ROBO1: variants seen among roughly 807,000 people sequenced by gnomAD.
ROBO1 encodes roundabout guidance receptor 1, also known as roundabout homolog 1.
ROBO1 carries 149 observed loss-of-function variants against 195.9 expected under a neutral mutation model. That is an observed-to-expected ratio of 0.76 (90% confidence interval 0.67 to 0.87). The LOEUF is 0.87. Ranked by LOEUF, ROBO1 falls within the 40% of genes least tolerant of loss-of-function variation. ROBO1 has a pLI of 0.00. For missense variants in ROBO1, 1,933 were observed against 2,068.3 expected (o/e 0.93, Z 1.27); for synonymous variants, 816 against 733.2 (o/e 1.11, Z -1.82).
chr3:79,230,511 T>C (rs934575981), intron 2 of ROBO1, among the ~76,000 whole-genome samples: 1 of 151,798 alleles, frequency 6.6e-6, no homozygotes, highest in South Asian at 2.1e-4. Flanking sequence ...ATAGCAAATG[T>C]AAAGTAAGCA....
At chr3:79,011,639 T>C (rs938894211) in intron 3 of ROBO1, among the ~76,000 whole-genome samples, 43 of 149,758 alleles carry the variant, frequency 2.9e-4, no homozygotes, top group African/African-American at 1.0e-3. Flanking sequence ...GTGTTTTATA[T>C]ATATTTTTTT....
chr3:78,599,000 T>TTTA (rs950397346), intron 30 of ROBO1, 73 bp from the exon 31 acceptor site: 1 of 826,082 alleles, frequency 1.2e-6, no homozygotes. Context: ...TTTATATGCA[T>TTTA]TTATTATTAT....
intron 16 of ROBO1, chr3:78,660,074 C>T (rs1707298866): frequency 8.6e-6 from 2 of 233,522 alleles, no homozygotes; most frequent in African/African-American, 2.3e-5. Context: ...GCACCCACCA[C>T]CATGCCCCAC....
chr3:78,610,438 GAA>G (rs964346091), intron 28 of ROBO1, among the ~76,000 whole-genome samples: 3 of 152,094 alleles, frequency 2.0e-5, no homozygotes, highest in African/African-American at 7.2e-5. Flanking sequence ...GCAACAAGGG[GAA>G]AAAAGTCTAA....
intron 1 of ROBO1, among the ~76,000 whole-genome samples, chr3:79,616,895 G>A (rs1038656563): frequency 1.3e-5 from 2 of 152,172 alleles, no homozygotes; most frequent in African/African-American, 4.8e-5. Context: ...CAGCATTTCT[G>A]CAGTGGACTG....
At chr3:78,640,130 A>T (rs1705847153) in intron 21 of ROBO1, among the ~76,000 whole-genome samples, 1 of 152,110 alleles carries the variant, frequency 6.6e-6, no homozygotes, top group Non-Finnish European at 1.5e-5. Flanking sequence ...TATGCATCAG[A>T]CCTAAAATCT....
chr3:79,265,890 T>C (rs2083032648), intron 2 of ROBO1, among the ~76,000 whole-genome samples: 2 of 151,436 alleles, frequency 1.3e-5, no homozygotes, highest in South Asian at 4.2e-4. Context: ...ATTAATATTG[T>C]AAAATATATA....
At chr3:78,870,347 C>G (rs1180801755) in intron 4 of ROBO1, among the ~76,000 whole-genome samples, 1 of 152,174 alleles carries the variant, frequency 6.6e-6, no homozygotes, top group Admixed American at 6.5e-5. Context: ...ATACTATCTT[C>G]AAGCTCCCAG....
intron 1 of ROBO1, among the ~76,000 whole-genome samples, chr3:79,625,423 GAA>G: frequency 1.2e-3 from 17 of 13,878 alleles, no homozygotes; most frequent in East Asian, 6.4e-3. Flanking sequence ...TGTTTTTTTT[GAA>G]AAAAAAAAAA....
chr3:79,688,097 T>A (rs1460098280), intron 1 of ROBO1, among the ~76,000 whole-genome samples: 1 of 151,746 alleles, frequency 6.6e-6, no homozygotes, highest in East Asian at 2.0e-4. Context: ...GAAACCATCA[T>A]TCTCAGCAAA....
intron 3 of ROBO1, among the ~76,000 whole-genome samples, chr3:79,114,581 T>C (rs1416595067): frequency 6.6e-6 from 1 of 152,158 alleles, no homozygotes; most frequent in Non-Finnish European, 1.5e-5. Flanking sequence ...CATTACTCTA[T>C]ATGCATTTAT....
At chr3:79,499,951 C>T (rs923782517) in intron 2 of ROBO1, among the ~76,000 whole-genome samples, 23 of 151,740 alleles carry the variant, frequency 1.5e-4, no homozygotes, top group Admixed American at 4.6e-4. Context: ...GGATTGCAGG[C>T]GTGTGCCAGT....
intron 3 of ROBO1, among the ~76,000 whole-genome samples, chr3:79,085,028 A>G (rs143224251): frequency 1.3e-5 from 2 of 152,328 alleles, no homozygotes; most frequent in East Asian, 1.9e-4. Flanking sequence ...TAACATTTTT[A>G]TATCTCTACT....
intron 1 of ROBO1, among the ~76,000 whole-genome samples, chr3:79,707,329 G>A (rs908053904): frequency 1.3e-5 from 2 of 151,966 alleles, no homozygotes; most frequent in African/African-American, 4.8e-5. Context: ...ATCTCCACAG[G>A]ACCCAGAGTT....
intron 2 of ROBO1, among the ~76,000 whole-genome samples, chr3:79,277,063 T>C (rs1020841688): frequency 6.6e-6 from 1 of 151,942 alleles, no homozygotes; most frequent in Non-Finnish European, 1.5e-5. Context: ...CTTTAGAGAT[T>C]CCTCAAAAAG....
chr3:78,668,684 C>G, intron 11 of ROBO1, 119 bp from the exon 12 acceptor site: 1 of 727,136 alleles, frequency 1.4e-6, no homozygotes, highest in Non-Finnish European at 2.2e-6. Context: ...AATTCACTAA[C>G]CAGAAACTTC....
intron 2 of ROBO1, among the ~76,000 whole-genome samples, chr3:79,565,631 G>T (rs184026317): frequency 3.3e-5 from 5 of 151,932 alleles, no homozygotes; most frequent in Non-Finnish European, 7.4e-5. Context: ...GAAAGAAACC[G>T]CCAAGATTAA....
At chr3:79,180,387 G>T (rs1156356338) in intron 2 of ROBO1, among the ~76,000 whole-genome samples, 1 of 152,138 alleles carries the variant, frequency 6.6e-6, no homozygotes, top group Non-Finnish European at 1.5e-5. Context: ...GAAGATTATA[G>T]TTAGGGGAAG....
chr3:78,965,662 G>C (rs1205209136), intron 3 of ROBO1, among the ~76,000 whole-genome samples: 1 of 151,424 alleles, frequency 6.6e-6, no homozygotes, highest in Non-Finnish European at 1.5e-5. Flanking sequence ...TTAATCAGAA[G>C]CATTTTTAAT....
Sources: allele counts gnomAD v4.1 joint callset (sites outside exome capture counted in the v4.1 genomes callset), GRCh38; gene constraint gnomAD v4.1.1; transcripts MANE v1.5; gene names NCBI Gene and HGNC (gene_info 2026-07-23, HGNC 2026-07-21).